Variants in ZNF536 observed in about 807,000 individuals in gnomAD.
The protein encoded by ZNF536 is zinc finger protein 536.
Under a neutral mutation model 84.5 loss-of-function variants are expected in ZNF536, and 13 were observed. The observed-to-expected ratio is 0.15, with a 90% confidence interval of 0.10 to 0.24. ZNF536 has a LOEUF of 0.24. Ranked by LOEUF, ZNF536 falls within the 10% of genes least tolerant of loss-of-function variation. The pLI is 1.00. For synonymous variants in ZNF536, 811 were observed against 742.5 expected (o/e 1.09, Z -1.50); for missense variants, 1,536 against 1,747.5 (o/e 0.88, Z 2.16).
At chr19:30,259,812 G>T (rs60705942) in intron 1 of ZNF536, among the ~76,000 whole-genome samples, 5,608 of 152,172 alleles carry the variant, frequency 0.037, 334 homozygotes, top group African/African-American at 0.13. Flanking sequence ...GAGTGCAGTG[G>T]TGCGATCTTG....
At chr19:30,233,032 G>A (rs1314428357) in intron 1 of ZNF536, among the ~76,000 whole-genome samples, 2 of 152,204 alleles carry the variant, frequency 1.3e-5, no homozygotes, top group African/African-American at 4.8e-5. Flanking sequence ...AGCTGGTGGG[G>A]AGACAGACAA....
chr19:30,684,120 CA>C (rs1489716661), intron 1 of ZNF536, among the ~76,000 whole-genome samples: 14 of 151,600 alleles, frequency 9.2e-5, no homozygotes, highest in South Asian at 4.2e-4. Context: ...CTCACATGTA[CA>C]CACACACACA....
chr19:30,237,843 G>C (rs1459915423), intron 1 of ZNF536, among the ~76,000 whole-genome samples: 5 of 151,564 alleles, frequency 3.3e-5, no homozygotes, highest in African/African-American at 1.2e-4. Flanking sequence ...ATTTCATTGA[G>C]CTGGAAACAT....
intron 1 of ZNF536, among the ~76,000 whole-genome samples, chr19:30,410,090 C>A (rs1417462767): frequency 2.0e-5 from 3 of 152,036 alleles, no homozygotes; most frequent in Non-Finnish European, 2.9e-5. Flanking sequence ...ATGGTGTTTT[C>A]TAATGAGATA....
At chr19:30,670,567 TC>T in intron 1 of ZNF536, among the ~76,000 whole-genome samples, 1 of 152,130 alleles carries the variant, frequency 6.6e-6, no homozygotes, top group East Asian at 1.9e-4. Flanking sequence ...GACACTGAGC[TC>T]CCCCGCAGAC....
chr19:30,475,524 TC>T lies in ZNF536; in HGVS notation c.2170+29796del, dbSNP rs375484460. 2.4e-3 allele frequency among the ~76,000 whole-genome samples: 366 copies of T among 152,314 alleles called. 5 individuals are homozygous for T. Among genetic ancestry groups the T allele is most frequent in the African/African-American group, 8.2e-3 (343 of 41,576 alleles). On this transcript the variant is annotated intron_variant, in intron 2 of 4. Transcript: ENST00000355537. Reference sequence around the variant, plus strand: ...GTATTTTGTATGTATTTTTAGCCATTCCCCAATTGGCGGGCATTTAAGTTAT... The same window carrying T: ...GTATTTTGTATGTATTTTTAGCCATTCCCAATTGGCGGGCATTTAAGTTAT...
chr19:30,410,465 C>CTTTTTTTTTTTTTTTTT lies in ZNF536; in HGVS notation c.-2-33085_-2-33069dup, dbSNP rs201561646. 1.6e-5 allele frequency among the ~76,000 whole-genome samples: 2 copies of CTTTTTTTTTTTTTTTTT among 122,620 alleles called. 1 individual carries two copies. Among genetic ancestry groups the CTTTTTTTTTTTTTTTTT allele is most frequent in the African/African-American group, 8.0e-5 (2 of 24,970 alleles). The allele number at this position is 122,620 out of a possible 152,430, so 80.4% of individuals were successfully genotyped here. On this transcript the variant is annotated intron_variant, in intron 1 of 4. Transcript: ENST00000355537. Reference sequence around the variant, plus strand: ...TAAATAAACAATGAAAAGTGAAGGTCTTTTTTTTTTTTTTTTTTTTTTTTT... The same window carrying CTTTTTTTTTTTTTTTTT: ...TAAATAAACAATGAAAAGTGAAGGTCTTTTTTTTTTTTTTTTTTTTTTTTTTTTTTTTTTTTTTTTTT...
chr19:30,380,253 A>C (rs959235743), intron 1 of ZNF536, among the ~76,000 whole-genome samples: 2 of 151,928 alleles, frequency 1.3e-5, no homozygotes, highest in Admixed American at 6.6e-5. Flanking sequence ...AGACAATTGC[A>C]CCCCCTAATT....
intron 1 of ZNF536, among the ~76,000 whole-genome samples, chr19:30,430,372 T>C (rs1373837528): frequency 6.6e-5 from 10 of 152,184 alleles, no homozygotes; most frequent in Non-Finnish European, 1.5e-5. Flanking sequence ...TGTGCCTGGC[T>C]CTGTGTTGGG....
At chr19:30,234,294 A>T (rs1432764849) in intron 1 of ZNF536, among the ~76,000 whole-genome samples, 2 of 148,292 alleles carry the variant, frequency 1.3e-5, no homozygotes, top group Admixed American at 6.8e-5. Context: ...TGGGGAGTAT[A>T]TTTCTGGCCC....
chr19:30,287,649 G>A (rs889515680), intron 2 of ZNF536, among the ~76,000 whole-genome samples: 1 of 142,580 alleles, frequency 7.0e-6, no homozygotes, highest in Non-Finnish European at 1.5e-5. Flanking sequence ...TGGATGGATG[G>A]GTGGGTGGAT....
At chr19:30,271,299 C>CTTTTTTTT (rs781528411) in intron 1 of ZNF536, among the ~76,000 whole-genome samples, 39 of 111,854 alleles carry the variant, frequency 3.5e-4, no homozygotes, top group African/African-American at 9.6e-4. Flanking sequence ...TTTTTCTTTT[C>CTTTTTTTT]TTTTTTTTTT....
intron 2 of ZNF536, among the ~76,000 whole-genome samples, chr19:30,505,868 G>A (rs1189154010): frequency 3.9e-5 from 6 of 152,002 alleles, no homozygotes; most frequent in Admixed American, 1.3e-4. Context: ...GTTTTGCCAC[G>A]TTGGTCAGGC....
intron 3 of ZNF536, among the ~76,000 whole-genome samples, chr19:30,365,221 G>A (rs1463702609): frequency 6.6e-6 from 1 of 152,126 alleles, no homozygotes; most frequent in Non-Finnish European, 1.5e-5. Flanking sequence ...TTGGTCTTTA[G>A]ATAGGCATGT....
intron 1 of ZNF536, among the ~76,000 whole-genome samples, chr19:30,632,917 T>C (rs570898130): frequency 1.3e-5 from 2 of 152,282 alleles, no homozygotes; most frequent in East Asian, 3.9e-4. Context: ...AATTCATGGG[T>C]ATGGACAATT....
At chr19:30,562,388 G>A (rs2046203028), downstream of ZNF536, among the ~76,000 whole-genome samples, 1 of 152,112 alleles carries the variant, frequency 6.6e-6, no homozygotes, top group Non-Finnish European at 1.5e-5. Flanking sequence ...GCCTTATCCT[G>A]AAGATATTTC....
chr19:30,706,706 T>G (rs2052246201), intron 1 of ZNF536, among the ~76,000 whole-genome samples: 1 of 152,208 alleles, frequency 6.6e-6, no homozygotes, highest in South Asian at 2.1e-4. Flanking sequence ...TGGAGTTCTT[T>G]ACTCGAAAGA....
At chr19:30,600,902 A>C (rs1020278732) in intron 1 of ZNF536, among the ~76,000 whole-genome samples, 2 of 152,198 alleles carry the variant, frequency 1.3e-5, no homozygotes, top group African/African-American at 4.8e-5. Flanking sequence ...TGTTCCGTTG[A>C]TTCCTGGAAA....
intron 1 of ZNF536, among the ~76,000 whole-genome samples, chr19:30,597,357 C>T (rs2047503220): frequency 6.6e-6 from 1 of 152,186 alleles, no homozygotes; most frequent in Non-Finnish European, 1.5e-5. Context: ...ATGGCCTGAC[C>T]CGGGCCATCA....
Sources: gnomAD v4.1 joint callset for allele counts (sites outside exome capture counted in the v4.1 genomes callset) on GRCh38, gnomAD v4.1.1 for gene constraint, MANE v1.5 for transcripts, NCBI Gene and HGNC (gene_info 2026-07-23, HGNC 2026-07-21) for gene names.